Variants in C16orf74 observed in about 807,000 individuals in gnomAD.
The protein encoded by C16orf74 is uncharacterized protein C16orf74.
In C16orf74, 10 loss-of-function variants were observed where a neutral mutation model predicts 6.5. That is an observed-to-expected ratio of 1.54 (90% confidence interval 0.95 to 2.61). C16orf74 has a LOEUF of 2.61. Ranked by LOEUF, C16orf74 falls within the 30% of genes most tolerant of loss-of-function variation. C16orf74 has a pLI of 0.00. For missense variants in C16orf74, 141 were observed against 105.9 expected (o/e 1.33, Z -1.45); for synonymous variants, 60 against 42.5 (o/e 1.41, Z -1.60).
intron 2 of C16orf74, among the ~76,000 whole-genome samples, chr16:85,716,673 G>T (rs578036968): frequency 1.4e-5 from 2 of 147,988 alleles, no homozygotes; most frequent in Non-Finnish European, 3.0e-5. Flanking sequence ...AGGAGGAAGG[G>T]AAGGAGGAGG....
At chr16:85,715,499 C>T (rs2054014435) in intron 2 of C16orf74, among the ~76,000 whole-genome samples, 1 of 152,178 alleles carries the variant, frequency 6.6e-6, no homozygotes, top group Non-Finnish European at 1.5e-5. Flanking sequence ...CCGGTGCTTC[C>T]TGTAGCATAA....
intron 1 of C16orf74, among the ~76,000 whole-genome samples, chr16:85,738,022 G>C (rs1352400559): frequency 6.9e-6 from 1 of 143,912 alleles, no homozygotes; most frequent in African/African-American, 2.6e-5. Flanking sequence ...CGTGGTCCAA[G>C]ACAATTCTTC....
At chr16:85,743,961 G>C (rs1345593289) in intron 1 of C16orf74, among the ~76,000 whole-genome samples, 1 of 152,084 alleles carries the variant, frequency 6.6e-6, no homozygotes, top group East Asian at 1.9e-4. Flanking sequence ...CGCTGAGGCA[G>C]GAGAACGGTG....
chr16:85,730,678 C>T (rs2054178572), intron 2 of C16orf74, among the ~76,000 whole-genome samples: 1 of 149,580 alleles, frequency 6.7e-6, no homozygotes, highest in Non-Finnish European at 1.5e-5. Flanking sequence ...AATTAACCCC[C>T]ATACAAGACA....
At chr16:85,736,468 C>A (rs989114400) in intron 1 of C16orf74, among the ~76,000 whole-genome samples, 3 of 152,034 alleles carry the variant, frequency 2.0e-5, no homozygotes, top group African/African-American at 7.2e-5. Flanking sequence ...GTGAAGATGG[C>A]AGGCCAGGAA....
intron 2 of C16orf74, among the ~76,000 whole-genome samples, chr16:85,721,667 C>A (rs2054084219): frequency 6.6e-6 from 1 of 152,226 alleles, no homozygotes; most frequent in Non-Finnish European, 1.5e-5. Context: ...AGGCCCGTCA[C>A]CCACGGTCTT....
Position 85,750,981 on chromosome 16 carries a change from C to T in C16orf74, c.-74G>A, listed in dbSNP as rs1380403651. On this transcript the variant is annotated 5_prime_UTR_variant, in exon 1 of 4. Transcript: ENST00000284245. ...CCGCGCCCGAGGCGCGCGAGGCCCG[C>T]CCGGGCGCTGGTGGTGGTGGCGGCG... The T allele has an allele frequency of 6.6e-6, 1 of 150,534 alleles. No individual in the cohort carries two copies. Among genetic ancestry groups the T allele is most frequent in the African/African-American group, 2.4e-5 (1 of 41,206 alleles). The allele number at this position is 150,534 out of a possible 1,614,324, so 9.3% of individuals were successfully genotyped here. A position where few individuals can be genotyped will look rare whatever the true frequency, so the allele number is the denominator to read the frequency against.
chr16:85,732,832 G>A lies in C16orf74; in HGVS notation c.28+2358C>T, dbSNP rs560653040. Among the ~76,000 whole-genome samples the A allele has an allele frequency of 1.8e-3, 273 of 152,298 alleles. 1 individual carries two copies. In the Middle Eastern group the frequency reaches 0.044, roughly 25 times the overall value. ...CCAGCCATGAAAAATGGATGGACAA[G>A]CCACACTCGGGACAGGCGCTGTTCC... On this transcript the variant is annotated intron_variant, in intron 2 of 3. Transcript: ENST00000284245.
At chr16:85,731,609 G>A (rs2054188505) in intron 2 of C16orf74, among the ~76,000 whole-genome samples, 1 of 152,200 alleles carries the variant, frequency 6.6e-6, no homozygotes, top group African/African-American at 2.4e-5. Flanking sequence ...AGGGCTGAAC[G>A]GTGCCCGCTC....
chr16:85,730,158 T>G (rs1027433923), intron 2 of C16orf74, among the ~76,000 whole-genome samples: 1 of 151,564 alleles, frequency 6.6e-6, no homozygotes, highest in Non-Finnish European at 1.5e-5. Flanking sequence ...TCAGAGCGGG[T>G]GAGATGAAGC....
At chr16:85,724,539 C>G (rs2152061211) in intron 2 of C16orf74, among the ~76,000 whole-genome samples, 1 of 152,280 alleles carries the variant, frequency 6.6e-6, no homozygotes, top group East Asian at 1.9e-4. Context: ...GCACGGAAGC[C>G]TTGCTGTGCG....
intron 2 of C16orf74, among the ~76,000 whole-genome samples, chr16:85,716,994 C>G (rs547151447): frequency 1.1e-4 from 17 of 152,290 alleles, no homozygotes; most frequent in Admixed American, 3.9e-4. Context: ...ATCCCAGGGA[C>G]CCAGGCCCGT....
At position 85,744,568 on chromosome 16, in the gene C16orf74, T is replaced by C. The variant is rs74376566; in HGVS notation, c.-19+6358A>G. ...GTCAGCAGCCAGATGCGGTGGCTCA[T>C]GCCTGAAATCCCAGCACTTTGGGAG... On this transcript the variant is annotated intron_variant, in intron 1 of 3. Transcript: ENST00000284245. Among the ~76,000 whole-genome samples the C allele has an allele frequency of 1.0e-2, 1,519 of 152,204 alleles. 21 individuals carry two copies. Among genetic ancestry groups the C allele is most frequent in the African/African-American group, 0.03 (1,261 of 41,530 alleles).
At chr16:85,716,730 G>A (rs890655536) in intron 2 of C16orf74, among the ~76,000 whole-genome samples, 5 of 151,858 alleles carry the variant, frequency 3.3e-5, no homozygotes, top group Admixed American at 3.3e-4. Flanking sequence ...GGCAGGCAGG[G>A]AGGAGAGAGA....
intron 2 of C16orf74, among the ~76,000 whole-genome samples, chr16:85,715,749 G>A (rs2054017057): frequency 6.6e-6 from 1 of 152,192 alleles, no homozygotes; most frequent in African/African-American, 2.4e-5. Flanking sequence ...ATCCAGGACT[G>A]GCTGCGGAGG....
At chr16:85,713,390 A>G (rs1029103984) in intron 2 of C16orf74, among the ~76,000 whole-genome samples, 1 of 152,106 alleles carries the variant, frequency 6.6e-6, no homozygotes, top group African/African-American at 2.4e-5. Context: ...CTCCTGTCTC[A>G]GCCTCCCAAG....
At chr16:85,735,009 G>A (rs998565286) in intron 2 of C16orf74, among the ~76,000 whole-genome samples, 181 bp downstream of exon 2, 6 of 152,180 alleles carry the variant, frequency 3.9e-5, no homozygotes, top group African/African-American at 1.4e-4. Flanking sequence ...TAGAAGGCCT[G>A]GAGGGGTGCT....
chr16:85,711,736 C>A (rs867920904), intron 2 of C16orf74, among the ~76,000 whole-genome samples: 15 of 152,062 alleles, frequency 9.9e-5, no homozygotes, highest in Non-Finnish European at 2.2e-4. Flanking sequence ...TTGCCCCAAA[C>A]GGTGCCAGGC....
chr16:85,723,404 TAA>T (rs60328062), intron 2 of C16orf74, among the ~76,000 whole-genome samples: 20 of 134,996 alleles, frequency 1.5e-4, no homozygotes, highest in Admixed American at 3.0e-4. Flanking sequence ...CCATCTGTAC[TAA>T]AAAAAAAAAA....
Sources: gnomAD v4.1 joint callset for allele counts (sites outside exome capture counted in the v4.1 genomes callset) on GRCh38, gnomAD v4.1.1 for gene constraint, MANE v1.5 for transcripts, NCBI Gene and HGNC (gene_info 2026-07-23, HGNC 2026-07-21) for gene names.